Variants in FOCAD observed in about 807,000 individuals in gnomAD.
FOCAD encodes the protein KIAA1797.
A neutral mutation model predicts 225.6 loss-of-function variants in FOCAD; 198 were observed. That is an observed-to-expected ratio of 0.88 (90% CI 0.78 to 0.99). The LOEUF (loss-of-function observed/expected upper bound fraction) is 0.99. Ranked by LOEUF, FOCAD falls within the 50% of genes least tolerant of loss-of-function variation. The probability of loss-of-function intolerance (pLI) is 0.00; values close to 1 mark genes in which losing one functional copy is unlikely to be tolerated. For synonymous variants in FOCAD, 897 were observed against 755.0 expected, an observed-to-expected ratio of 1.19 and a Z score of -3.08; for missense variants, 2,713 against 2,123.6, an observed-to-expected ratio of 1.28 and a Z score of -5.46.
At chr9:20,741,676 CTTT>C (rs10675694) in intron 5 of FOCAD, among the ~76,000 whole-genome samples, 1 of 87,188 alleles carries the variant, frequency 1.1e-5, no homozygotes, top group Non-Finnish European at 2.1e-5. Flanking sequence ...GGTAAATATG[CTTT>C]TTTTTTTTTT....
intron 15 of FOCAD, among the ~76,000 whole-genome samples, chr9:20,846,223 T>C (rs1372143564): frequency 6.6e-6 from 1 of 152,116 alleles, no homozygotes; most frequent in Non-Finnish European, 1.5e-5. Context: ...AAGAAATCAC[T>C]GTGGAGAAAT....
intron 1 of FOCAD, among the ~76,000 whole-genome samples, chr9:20,705,620 A>T (rs748797284): frequency 1.4e-4 from 22 of 152,112 alleles, no homozygotes; most frequent in Non-Finnish European, 8.8e-5. Flanking sequence ...AATATACTGT[A>T]AATATTTTAT....
At chr9:20,732,851 A>G (rs1826831228) in intron 4 of FOCAD, among the ~76,000 whole-genome samples, 4 of 152,148 alleles carry the variant, frequency 2.6e-5, no homozygotes, top group Non-Finnish European at 2.9e-5. Flanking sequence ...GGATATGTCA[A>G]AGGTGACTCC....
At chr9:20,839,793 T>C (rs1032373903) in intron 15 of FOCAD, among the ~76,000 whole-genome samples, 1 of 152,050 alleles carries the variant, frequency 6.6e-6, no homozygotes, top group Non-Finnish European at 1.5e-5. Context: ...ATCATTTCTT[T>C]GTGTTATGAA....
chr9:20,867,731 C>A (rs191810976), intron 18 of FOCAD, among the ~76,000 whole-genome samples: 1 of 152,134 alleles, frequency 6.6e-6, no homozygotes, highest in East Asian at 1.9e-4. Context: ...TTGAGTGCCT[C>A]TGAAGTGTCA....
intron 11 of FOCAD, among the ~76,000 whole-genome samples, chr9:20,798,175 C>G (rs1821353453): frequency 6.6e-6 from 1 of 152,144 alleles, no homozygotes; most frequent in Admixed American, 6.5e-5. Context: ...GTTGAACCAG[C>G]CTTGCATCCT....
chr9:20,752,554 T>C (rs191665816), intron 5 of FOCAD, among the ~76,000 whole-genome samples: 1 of 152,210 alleles, frequency 6.6e-6, no homozygotes, highest in African/African-American at 2.4e-5. Flanking sequence ...CTGTTTTGGT[T>C]ACTGTAGCCT....
Position 20,981,583 on chromosome 9 carries a change from G to T in FOCAD, c.4535G>T (p.Gly1512Val), listed in dbSNP as rs187249342. The T allele has an allele frequency of 7.9e-5, 128 of 1,614,050 alleles. No individual in the cohort carries two copies. The Admixed American group carries it at 2.0e-3, about 25-fold the overall frequency. Residue 1512 changes from glycine (G) to valine (V), a missense_variant, in exon 38 of 44, where the codon GGT (glycine) becomes GTT (valine). Transcript: ENST00000338382. ...SPELCPSALH[G>V]LSQAMKLPSP... Reference sequence around the variant, plus strand: ...GAGCTATGCCCAAGTGCTTTACACGGTCTGAGCCAGGCCATGAAACTGCCC... The same window carrying T: ...GAGCTATGCCCAAGTGCTTTACACGTTCTGAGCCAGGCCATGAAACTGCCC...
At chr9:20,828,837 T>C (rs1280278288) in intron 15 of FOCAD, among the ~76,000 whole-genome samples, 1 of 152,114 alleles carries the variant, frequency 6.6e-6, no homozygotes, top group Admixed American at 6.6e-5. Context: ...CCTCCCTGTG[T>C]CCATGTGTTC....
At chr9:20,835,304 G>A (rs1159303072) in intron 15 of FOCAD, among the ~76,000 whole-genome samples, 2 of 152,056 alleles carry the variant, frequency 1.3e-5, no homozygotes, top group Non-Finnish European at 2.9e-5. Flanking sequence ...AATGGGTTTA[G>A]AAAGTCTAAG....
At position 20,926,435 on chromosome 9, in the gene FOCAD, A is replaced by T. The variant is rs761106607; in HGVS notation, c.3078+18A>T. 5 of 1,455,380 alleles carry T rather than the reference A, an allele frequency of 3.4e-6. No individual in the cohort carries two copies. Among genetic ancestry groups the T allele is most frequent in the Non-Finnish European group, 4.8e-6 (5 of 1,036,274 alleles). 90.2% of individuals were successfully genotyped at this position (1,455,380 alleles called of 1,614,324 possible). ...TTTATTATGTAAGTGCAAAAAATAA[A>T]AAATGATCAGAAAACTCAAGAATTG... On this transcript the variant is annotated intron_variant, in intron 26 of 43. Transcript: ENST00000338382.
At position 20,933,111 on chromosome 9, in the gene FOCAD, G is replaced by T. The variant is rs1274590427; in HGVS notation, c.3407+8G>T. Reference sequence around the variant, plus strand: ...CACTAGTCTTGAATACAAGTATGTTGTTCCTATTTCCACTCTCACAGGTAC... The same window carrying T: ...CACTAGTCTTGAATACAAGTATGTTTTTCCTATTTCCACTCTCACAGGTAC... On this transcript the variant is annotated splice_region_variant and intron_variant, in intron 28 of 43. Coordinates refer to ENST00000338382, the MANE Select transcript of FOCAD (RefSeq NM_001375567.1). 7.5e-6 allele frequency: 12 copies of T among 1,605,978 alleles called. No homozygotes were observed. Among genetic ancestry groups the T allele is most frequent in the African/African-American group, 2.7e-5 (2 of 74,760 alleles).
chr9:20,683,143 A>G (rs528523192), upstream of FOCAD, among the ~76,000 whole-genome samples: 8 of 152,294 alleles, frequency 5.3e-5, no homozygotes, highest in East Asian at 9.6e-4. Context: ...TCTGTGATAC[A>G]TAATTACTTT....
At chr9:20,956,850 G>A (rs935855125) in intron 35 of FOCAD, among the ~76,000 whole-genome samples, 5 of 151,912 alleles carry the variant, frequency 3.3e-5, no homozygotes, top group Non-Finnish European at 7.4e-5. Context: ...GCACCACCAC[G>A]CCTGGCTAAT....
chr9:20,926,271 A>T, intron 25 of FOCAD, 30 bp from the exon 26 acceptor site: 2 of 1,254,492 alleles, frequency 1.6e-6, no homozygotes, highest in Middle Eastern at 1.9e-4. Flanking sequence ...TTTTCTCTGT[A>T]ATCATTTCAT....
intron 24 of FOCAD, among the ~76,000 whole-genome samples, chr9:20,917,461 G>C (rs1279994458): frequency 2.0e-5 from 3 of 152,106 alleles, no homozygotes; most frequent in Non-Finnish European, 4.4e-5. Context: ...TCACTGCCTT[G>C]ATGCTTTTTA....
intron 24 of FOCAD, among the ~76,000 whole-genome samples, chr9:20,918,096 G>C (rs910346191): frequency 1.3e-5 from 2 of 152,210 alleles, no homozygotes; most frequent in Non-Finnish European, 1.5e-5. Flanking sequence ...GCATATCAGA[G>C]GGGGAGGGGA....
intron 21 of FOCAD, among the ~76,000 whole-genome samples, chr9:20,902,523 G>T (rs979407322): frequency 6.6e-6 from 1 of 151,766 alleles, no homozygotes; most frequent in Admixed American, 6.6e-5. Flanking sequence ...AAAGAGTTTG[G>T]GCTTTATTCT....
chr9:20,939,425 A>G (rs1439789907), intron 28 of FOCAD, among the ~76,000 whole-genome samples: 3 of 152,010 alleles, frequency 2.0e-5, no homozygotes, highest in African/African-American at 2.4e-5. Flanking sequence ...TCAAGATGTT[A>G]TAAAGTTGGG....
Sources: allele counts gnomAD v4.1 joint callset (sites outside exome capture counted in the v4.1 genomes callset), GRCh38; gene constraint gnomAD v4.1.1; transcripts MANE v1.5; gene names NCBI Gene and HGNC (gene_info 2026-07-23, HGNC 2026-07-21).